Variants in GPC5 observed in about 807,000 individuals in gnomAD.
GPC5 encodes glypican 5, also known as glypican-5.
Under a neutral mutation model 53.9 loss-of-function variants are expected in GPC5, and 47 were observed. The ratio of observed to expected loss-of-function variants is 0.87; its 90% CI spans 0.69 to 1.11. The LOEUF (loss-of-function observed/expected upper bound fraction) is 1.11. GPC5 is among the 50% of genes most tolerant of loss of function. The probability of loss-of-function intolerance (pLI) is 0.00; values close to 1 mark genes in which losing one functional copy is unlikely to be tolerated. For missense variants in GPC5, 748 were observed against 713.1 expected (o/e 1.05, Z -0.56); for synonymous variants, 286 against 263.3 (o/e 1.09, Z -0.84).
intron 2 of GPC5, among the ~76,000 whole-genome samples, chr13:91,618,025 C>T (rs2139347798): frequency 6.6e-6 from 1 of 152,194 alleles, no homozygotes; most frequent in East Asian, 1.9e-4. Flanking sequence ...GTAAAAATCA[C>T]TCTTAGCTTG....
chr13:92,392,514 C>G (rs1387370933), intron 7 of GPC5, among the ~76,000 whole-genome samples: 1 of 152,132 alleles, frequency 6.6e-6, no homozygotes, highest in African/African-American at 2.4e-5. Flanking sequence ...ATAACAAAGA[C>G]ACCCAAAGCA....
intron 6 of GPC5, among the ~76,000 whole-genome samples, chr13:92,002,098 C>T (rs1046815290): frequency 6.6e-6 from 1 of 151,854 alleles, no homozygotes; most frequent in South Asian, 2.1e-4. Context: ...TTGTTTACCC[C>T]TCTCTCTGTA....
At chr13:92,543,650 C>T (rs766274985) in intron 7 of GPC5, among the ~76,000 whole-genome samples, 3 of 151,886 alleles carry the variant, frequency 2.0e-5, no homozygotes, top group African/African-American at 4.8e-5. Flanking sequence ...AGAGTCTCTG[C>T]CAAGGCACTG....
intron 7 of GPC5, among the ~76,000 whole-genome samples, chr13:92,791,230 T>C (rs1052686124): frequency 5.3e-5 from 8 of 152,154 alleles, no homozygotes; most frequent in Non-Finnish European, 1.2e-4. Context: ...ACTGTATTGC[T>C]GCACAATTTT....
chr13:92,662,038 A>G (rs1182120715), intron 7 of GPC5, among the ~76,000 whole-genome samples: 1 of 152,142 alleles, frequency 6.6e-6, no homozygotes, highest in Non-Finnish European at 1.5e-5. Flanking sequence ...GTCTTCCAAG[A>G]TCAAGTCCCA....
intron 1 of GPC5, 98 bp downstream of exon 1, chr13:91,399,307 C>T: frequency 4.3e-6 from 6 of 1,397,424 alleles, no homozygotes; most frequent in Non-Finnish European, 5.7e-6. Context: ...GATGACCTTT[C>T]GGGCCCTGCA....
intron 5 of GPC5, among the ~76,000 whole-genome samples, chr13:91,791,042 G>A (rs1470929950): frequency 6.6e-6 from 1 of 152,128 alleles, no homozygotes; most frequent in East Asian, 1.9e-4. Flanking sequence ...CTGGATTATT[G>A]TTTTCTAGCC....
chr13:91,514,127 A>C (rs1292276368), intron 2 of GPC5, among the ~76,000 whole-genome samples: 2 of 152,216 alleles, frequency 1.3e-5, no homozygotes, highest in Non-Finnish European at 2.9e-5. Flanking sequence ...AGGTTTTTGC[A>C]TGAATATAAG....
chr13:92,528,837 A>C (rs1450055060), intron 7 of GPC5, among the ~76,000 whole-genome samples: 2 of 151,934 alleles, frequency 1.3e-5, no homozygotes, highest in Admixed American at 1.3e-4. Flanking sequence ...TATTTTATAA[A>C]ATTTTTATAA....
At chr13:91,771,595 G>A (rs1347757673) in intron 5 of GPC5, among the ~76,000 whole-genome samples, 2 of 152,178 alleles carry the variant, frequency 1.3e-5, no homozygotes, top group Non-Finnish European at 2.9e-5. Flanking sequence ...GAAGGAGATA[G>A]CCTTACAGCT....
Position 92,725,922 on chromosome 13 carries a change from G to A in GPC5, c.1562-140360G>A, listed in dbSNP as rs577810551. ...TTAATGATGCCCTCTGACTTTTAGC[G>A]TAGCACATTGCATGCTAGGTCACAA... On this transcript the variant is annotated intron_variant, in intron 7 of 7. Transcript: ENST00000377067. 8.6e-5 allele frequency among the ~76,000 whole-genome samples: 13 copies of A among 151,680 alleles called. No individual in the cohort carries two copies. The East Asian group carries it at 1.2e-3, about 14-fold the overall frequency.
At chr13:92,807,697 TAAA>T (rs1407662962) in intron 7 of GPC5, among the ~76,000 whole-genome samples, 1 of 152,070 alleles carries the variant, frequency 6.6e-6, no homozygotes, top group African/African-American at 2.4e-5. Context: ...TTTATCCCAA[TAAA>T]AACCATAAGG....
At chr13:91,524,244 A>G (rs1885980003) in intron 2 of GPC5, among the ~76,000 whole-genome samples, 1 of 152,152 alleles carries the variant, frequency 6.6e-6, no homozygotes, top group South Asian at 2.1e-4. Flanking sequence ...GAACCTGTAC[A>G]TCTTTGGACT....
chr13:91,783,252 C>T (rs145264664), intron 5 of GPC5, among the ~76,000 whole-genome samples: 204 of 147,730 alleles, frequency 1.4e-3, no homozygotes, highest in African/African-American at 4.9e-3. Flanking sequence ...GAAACTCCAT[C>T]TCAATAAATA....
At chr13:91,859,421 A>G (rs1241689351) in intron 5 of GPC5, among the ~76,000 whole-genome samples, 1 of 152,004 alleles carries the variant, frequency 6.6e-6, no homozygotes, top group African/African-American at 2.4e-5. Context: ...ATTAGAGGCT[A>G]CTATGAGCAA....
At chr13:92,138,413 G>C (rs759473825) in intron 6 of GPC5, among the ~76,000 whole-genome samples, 1 of 151,856 alleles carries the variant, frequency 6.6e-6, no homozygotes, top group African/African-American at 2.4e-5. Context: ...CCAGCTACTC[G>C]GTAGGCTGAC....
intron 7 of GPC5, among the ~76,000 whole-genome samples, chr13:92,179,624 G>GT (rs2042132249): frequency 6.6e-6 from 1 of 152,154 alleles, no homozygotes; most frequent in Non-Finnish European, 1.5e-5. Flanking sequence ...CATAATCTTC[G>GT]TAGGCTACTT....
chr13:92,425,447 G>GA (rs574175660), intron 7 of GPC5, among the ~76,000 whole-genome samples: 3 of 151,592 alleles, frequency 2.0e-5, no homozygotes, highest in Non-Finnish European at 4.4e-5. Flanking sequence ...TTCCTTATCT[G>GA]AAAAAAAATT....
At chr13:92,526,471 A>T (rs1364173587) in intron 7 of GPC5, among the ~76,000 whole-genome samples, 1 of 152,100 alleles carries the variant, frequency 6.6e-6, no homozygotes, top group Non-Finnish European at 1.5e-5. Flanking sequence ...AATGGGGTAC[A>T]TGAGAAAAGT....
Sources: allele counts gnomAD v4.1 joint callset (sites outside exome capture counted in the v4.1 genomes callset), GRCh38; gene constraint gnomAD v4.1.1; transcripts MANE v1.5; gene names NCBI Gene and HGNC (gene_info 2026-07-23, HGNC 2026-07-21).